The following GLRA2 variants were observed in gnomAD, a reference collection of about 807,000 sequenced individuals.
The protein encoded by GLRA2 is glycine receptor subunit alpha-2.
In GLRA2, 11 loss-of-function variants were observed where a neutral mutation model predicts 31.6. The observed-to-expected ratio is 0.35, with a 90% CI of 0.22 to 0.58. The LOEUF (loss-of-function observed/expected upper bound fraction) is 0.58. GLRA2 is among the 20% of genes least tolerant of loss of function. The pLI, the probability that GLRA2 is intolerant of heterozygous loss-of-function variation, is 0.84. For missense variants in GLRA2, 212 were observed against 351.8 expected (o/e 0.60, Z 3.18); for synonymous variants, 132 against 134.0 (o/e 0.99, Z 0.10).
chrX:14,686,390 A>G (rs138395429), intron 7 of GLRA2, among the ~76,000 whole-genome samples: 1 of 110,979 alleles, frequency 9.0e-6, no homozygotes, highest in Non-Finnish European at 1.9e-5. Flanking sequence ...TGTCTCGTTG[A>G]CCTTTCTAAT....
chrX:14,632,177 C>T (rs1181786682), intron 7 of GLRA2, among the ~76,000 whole-genome samples: 1 of 107,587 alleles, frequency 9.3e-6, no homozygotes, highest in Non-Finnish European at 1.9e-5. Flanking sequence ...GATCACTGCC[C>T]TTTTTTACTT....
chrX:14,496,790 A>T, the GLRA2 span, among the ~76,000 whole-genome samples: 94 of 111,701 alleles, frequency 8.4e-4, no homozygotes, highest in African/African-American at 3.0e-3. Context: ...ATCCAGCTCA[A>T]CCGTGAACCT....
chrX:14,503,468 T>C, the GLRA2 span, among the ~76,000 whole-genome samples: 4 of 111,772 alleles, frequency 3.6e-5, no homozygotes, highest in Non-Finnish European at 7.5e-5. Flanking sequence ...TTATGTAGTA[T>C]GTCAGCATGT....
At chrX:14,592,699 T>A (rs748988082) in intron 4 of GLRA2, among the ~76,000 whole-genome samples, 5 of 111,633 alleles carry the variant, frequency 4.5e-5, no homozygotes, top group African/African-American at 6.5e-5. Flanking sequence ...ACATATAGTT[T>A]ACACAATGAC....
At chrX:14,568,748 T>A (rs1235217391) in intron 2 of GLRA2, among the ~76,000 whole-genome samples, 2 of 109,351 alleles carry the variant, frequency 1.8e-5, no homozygotes, top group African/African-American at 6.6e-5. Context: ...ACAACTGAAT[T>A]TCCACATGCA....
intron 8 of GLRA2, among the ~76,000 whole-genome samples, chrX:14,711,059 T>C (rs1307063578): frequency 1.8e-5 from 2 of 112,533 alleles, no homozygotes; most frequent in African/African-American, 6.5e-5. Flanking sequence ...ATTAGTTTCC[T>C]TGGAGCCATT....
chrX:14,558,907 C>G (rs2089687666), intron 2 of GLRA2, among the ~76,000 whole-genome samples: 1 of 109,640 alleles, frequency 9.1e-6, no homozygotes, highest in Non-Finnish European at 1.9e-5. Flanking sequence ...TCACTGCAAA[C>G]TCCACCTCCC....
intron 8 of GLRA2, among the ~76,000 whole-genome samples, chrX:14,699,017 G>T (rs759763087): frequency 8.9e-6 from 1 of 111,771 alleles, no homozygotes; most frequent in Admixed American, 9.5e-5. Flanking sequence ...ATCTTTTCTA[G>T]GTTTTGTAAA....
chrX:14,643,905 G>C (rs2090801730), intron 7 of GLRA2, among the ~76,000 whole-genome samples: 1 of 112,011 alleles, frequency 8.9e-6, no homozygotes, highest in African/African-American at 3.2e-5. Context: ...ATGATTTCCA[G>C]AATTACATTA....
At chrX:14,557,604 C>T (rs112280863) in intron 2 of GLRA2, among the ~76,000 whole-genome samples, 53 of 111,865 alleles carry the variant, frequency 4.7e-4, no homozygotes, top group African/African-American at 1.4e-3. Context: ...AAATAAACTT[C>T]CTACTCATCC....
At chrX:14,567,174 T>C (rs987105814) in intron 2 of GLRA2, among the ~76,000 whole-genome samples, 1 of 111,379 alleles carries the variant, frequency 9.0e-6, no homozygotes, top group Non-Finnish European at 1.9e-5. Flanking sequence ...AACACCCTTA[T>C]GAAGATGTAT....
chrX:14,541,605 T>C (rs1024979028), intron 2 of GLRA2, among the ~76,000 whole-genome samples: 1 of 111,710 alleles, frequency 9.0e-6, no homozygotes, highest in Non-Finnish European at 1.9e-5. Context: ...TCAGGCTTTC[T>C]ATTAGAAAAA....
intron 2 of GLRA2, among the ~76,000 whole-genome samples, chrX:14,536,413 G>A (rs1405902992): frequency 1.5e-4 from 17 of 111,804 alleles, no homozygotes; most frequent in African/African-American, 4.9e-4. Context: ...CCCCAGCATC[G>A]CCATTTCTTT....
chrX:14,527,029 T>A (rs1165140617), upstream of GLRA2, among the ~76,000 whole-genome samples: 1 of 110,708 alleles, frequency 9.0e-6, no homozygotes, highest in African/African-American at 3.3e-5. Context: ...GCCAATGACA[T>A]TAGGTACCAT....
intron 2 of GLRA2, among the ~76,000 whole-genome samples, chrX:14,553,852 G>A (rs1046836542): frequency 8.9e-6 from 1 of 111,750 alleles, no homozygotes; most frequent in African/African-American, 3.3e-5. Context: ...TTGCTCATGG[G>A]ACAAGGCTTC....
the GLRA2 span, among the ~76,000 whole-genome samples, chrX:14,481,201 G>A: frequency 9.0e-6 from 1 of 111,231 alleles, no homozygotes; most frequent in Non-Finnish European, 1.9e-5. Context: ...AAATGCTACT[G>A]ATTTCTGTAC....
chrX:14,530,474 T>C (rs959413657), intron 1 of GLRA2, among the ~76,000 whole-genome samples: 2 of 111,830 alleles, frequency 1.8e-5, no homozygotes, highest in Non-Finnish European at 3.8e-5. Flanking sequence ...GTTTTTCATA[T>C]AAGATGATTG....
chrX:14,636,696 T>C (rs1249190418), intron 7 of GLRA2, among the ~76,000 whole-genome samples: 2 of 111,991 alleles, frequency 1.8e-5, no homozygotes, highest in Non-Finnish European at 3.8e-5. Context: ...ATTGATCTAT[T>C]AGGTGTGATA....
chrX:14,699,974 TTGGAGGG>T (rs1288080871), intron 8 of GLRA2, among the ~76,000 whole-genome samples: 2 of 111,202 alleles, frequency 1.8e-5, no homozygotes, highest in African/African-American at 3.3e-5. Context: ...CTGGGGTCTT[TTGGAGGG>T]TGGAGGGTGG....
Sources: gnomAD v4.1 joint callset for allele counts (sites outside exome capture counted in the v4.1 genomes callset) on GRCh38, gnomAD v4.1.1 for gene constraint, MANE v1.5 for transcripts, NCBI Gene and HGNC (gene_info 2026-07-23, HGNC 2026-07-21) for gene names.